The following RFX8 variants were observed in gnomAD, a reference collection of about 807,000 sequenced individuals.
RFX8 encodes the protein DNA-binding protein RFX8.
Under a neutral mutation model 54.6 loss-of-function variants are expected in RFX8, and 46 were observed. The observed-to-expected ratio is 0.84, with a 90% CI of 0.67 to 1.08. The LOEUF is 1.08. Ranked by LOEUF, RFX8 falls within the 50% of genes least tolerant of loss-of-function variation. The pLI, the probability that RFX8 is intolerant of heterozygous loss-of-function variation, is 0.00. For missense variants in RFX8, 536 were observed against 562.3 expected, an observed-to-expected ratio of 0.95 and a Z score of 0.47; for synonymous variants, 192 against 209.5, an observed-to-expected ratio of 0.92 and a Z score of 0.72.
chr2:101,413,195 C>T, intron 7 of RFX8, 124 bp from the exon 8 acceptor site: 1 of 720,676 alleles, frequency 1.4e-6, no homozygotes, highest in Admixed American at 2.8e-5. Context: ...GGATATTACC[C>T]ATTAAAAATG....
At chr2:101,461,262 C>CAAAAAAAAAAAAAAAAAAAGAAAAAAA (rs1689259573) in intron 2 of RFX8, among the ~76,000 whole-genome samples, 1 of 89,910 alleles carries the variant, frequency 1.1e-5, no homozygotes, top group Non-Finnish European at 2.1e-5. Flanking sequence ...GACTCCATCT[C>CAAAAAAAAAAAAAAAAAAAGAAAAAAA]AAAAAAAAAA....
In RFX8 at chr2:101,422,453, A is replaced by T; in HGVS notation, c.92T>A (p.Met31Lys). The T allele has an allele frequency of 6.5e-7, 1 of 1,547,066 alleles. No homozygotes were observed. Residue 31 changes from methionine (M) to lysine (K), a missense_variant, in exon 3 of 12, where the codon ATG becomes AAG. Met to Lys is a moderately conservative substitution (Grantham distance 95, BLOSUM62 -1). Transcript: ENST00000428343. Reference protein sequence around the residue: ...TFGKCEDHSPMKTDPVGSPLS... With the variant: ...TFGKCEDHSPKKTDPVGSPLS... Reference sequence around the variant, plus strand: ...AGGGGATCCAACTGGGTCTGTCTTCATCGGTGAATGATCTTCACACTAAAA... The same window carrying T: ...AGGGGATCCAACTGGGTCTGTCTTCTTCGGTGAATGATCTTCACACTAAAA...
chr2:101,413,222 GA>G (rs1408859823), intron 7 of RFX8, among the ~76,000 whole-genome samples, 151 bp from the exon 8 acceptor site: 1 of 152,204 alleles, frequency 6.6e-6, no homozygotes, highest in African/African-American at 2.4e-5. Flanking sequence ...AAACAAGAAT[GA>G]AAAGGTTAAA....
intron 2 of RFX8, chr2:101,434,818 A>G (rs550044362): frequency 6.6e-6 from 1 of 152,388 alleles, no homozygotes; most frequent in East Asian, 1.9e-4. Context: ...GCGGGTTGCA[A>G]CTTGGACACC....
intron 1 of RFX8, among the ~76,000 whole-genome samples, chr2:101,468,801 C>A (rs1689725139): frequency 6.6e-6 from 1 of 151,230 alleles, no homozygotes; most frequent in African/African-American, 2.4e-5. Flanking sequence ...TTCTGGGATG[C>A]TTCCCAAAAT....
At chr2:101,432,774 G>A (rs1290218269) in intron 2 of RFX8, among the ~76,000 whole-genome samples, 2 of 152,238 alleles carry the variant, frequency 1.3e-5, no homozygotes, top group Non-Finnish European at 1.5e-5. Flanking sequence ...TGTGAAGGAA[G>A]GGCTTCCAGT....
intron 1 of RFX8, among the ~76,000 whole-genome samples, chr2:101,471,320 C>T (rs887034971): frequency 1.3e-5 from 2 of 151,818 alleles, no homozygotes; most frequent in South Asian, 2.1e-4. Context: ...GGAGACAAAG[C>T]GAGACTCCAT....
intron 6 of RFX8, among the ~76,000 whole-genome samples, chr2:101,416,677 G>A (rs1280449270): frequency 6.6e-6 from 1 of 152,176 alleles, no homozygotes; most frequent in Non-Finnish European, 1.5e-5. Context: ...AAGGCAAGAG[G>A]GAGAAAATGG....
chr2:101,432,589 C>T (rs2104616531), intron 2 of RFX8, among the ~76,000 whole-genome samples: 1 of 152,306 alleles, frequency 6.6e-6, no homozygotes, highest in East Asian at 1.9e-4. Context: ...GACAGAAGCC[C>T]TGAGTGCCCA....
At chr2:101,444,445 C>A (rs575540590) in intron 2 of RFX8, among the ~76,000 whole-genome samples, 1 of 152,124 alleles carries the variant, frequency 6.6e-6, no homozygotes, top group African/African-American at 2.4e-5. Flanking sequence ...CTAACATAAC[C>A]AAAATTCCCA....
At chr2:101,465,336 C>T (rs1381335783) in intron 2 of RFX8, among the ~76,000 whole-genome samples, 1 of 152,094 alleles carries the variant, frequency 6.6e-6, no homozygotes, top group Admixed American at 6.6e-5. Flanking sequence ...GAAACCCAGT[C>T]TCTACTAAAA....
intron 7 of RFX8, among the ~76,000 whole-genome samples, 160 bp downstream of exon 7, chr2:101,414,694 C>T (rs937525974): frequency 1.3e-5 from 2 of 152,036 alleles, no homozygotes; most frequent in Non-Finnish European, 2.9e-5. Context: ...TCACGGGGGC[C>T]CACCTGGACT....
chr2:101,414,066 C>G (rs561280986), intron 7 of RFX8, among the ~76,000 whole-genome samples: 29 of 152,254 alleles, frequency 1.9e-4, no homozygotes, highest in Admixed American at 1.7e-3. Context: ...TTTCTTCAGC[C>G]CTTCTCAACC....
At chr2:101,426,666 T>A (rs1349514733) in intron 2 of RFX8, among the ~76,000 whole-genome samples, 1 of 152,222 alleles carries the variant, frequency 6.6e-6, no homozygotes, top group African/African-American at 2.4e-5. Context: ...CCAAGAAATG[T>A]CACTGGAGTT....
chr2:101,410,401 A>G (rs1481266905), intron 9 of RFX8, among the ~76,000 whole-genome samples: 1 of 123,364 alleles, frequency 8.1e-6, no homozygotes, highest in African/African-American at 2.7e-5. Context: ...TCACACACAC[A>G]CACACACACA....
intron 2 of RFX8, among the ~76,000 whole-genome samples, chr2:101,423,318 G>A (rs1686978030): frequency 1.3e-5 from 2 of 151,528 alleles, no homozygotes; most frequent in Admixed American, 1.3e-4. Flanking sequence ...AGGTGGCATG[G>A]CAGAAAGCAA....
chr2:101,471,386 C>G (rs1189204329), intron 1 of RFX8, among the ~76,000 whole-genome samples: 3 of 152,126 alleles, frequency 2.0e-5, no homozygotes, highest in Non-Finnish European at 4.4e-5. Context: ...GCCCCCCACA[C>G]TAGGAACTAT....
chr2:101,412,190 G>A (rs1297837710), intron 8 of RFX8, among the ~76,000 whole-genome samples: 1 of 152,106 alleles, frequency 6.6e-6, no homozygotes, highest in Non-Finnish European at 1.5e-5. Flanking sequence ...AGCCATCATA[G>A]GAGGGCCTAG....
At chr2:101,420,122 C>T (rs1686778502) in intron 4 of RFX8, among the ~76,000 whole-genome samples, 1 of 152,220 alleles carries the variant, frequency 6.6e-6, no homozygotes, top group Non-Finnish European at 1.5e-5. Context: ...TCCACGACGG[C>T]CAAGCCCTAT....
Sources: gnomAD v4.1 joint callset for allele counts (sites outside exome capture counted in the v4.1 genomes callset) on GRCh38, gnomAD v4.1.1 for gene constraint, MANE v1.5 for transcripts, NCBI Gene and HGNC (gene_info 2026-07-23, HGNC 2026-07-21) for gene names.